GRIK1: variants seen among roughly 807,000 people sequenced by gnomAD.
GRIK1 encodes glutamate receptor ionotropic, kainate 1.
In GRIK1, 69 loss-of-function variants were observed where a neutral mutation model predicts 105.7. The observed-to-expected ratio is 0.65, with a 90% CI of 0.54 to 0.80. GRIK1 has a LOEUF of 0.80. Among genes scored for constraint, GRIK1 ranks in the 30% least tolerant of loss-of-function variants. The pLI, the probability that GRIK1 is intolerant of heterozygous loss-of-function variation, is 0.00. For missense variants in GRIK1, 1,109 were observed against 1,167.3 expected, an observed-to-expected ratio of 0.95 and a Z score of 0.73; for synonymous variants, 438 against 431.3, an observed-to-expected ratio of 1.02 and a Z score of -0.19.
intron 6 of GRIK1, among the ~76,000 whole-genome samples, chr21:29,650,000 A>G (rs1346020975): frequency 1.3e-5 from 2 of 152,204 alleles, no homozygotes; most frequent in Admixed American, 6.5e-5. Flanking sequence ...CAGAAATATA[A>G]TATTTCCCTG....
rs577643874 is a variant in GRIK1, at chr21:29,673,208, A to C, written c.545-44T>G. ...TCATGCAATGGAGACTGTTCTGTCG[A>C]CAGAGTATTGTTTATTGCCATTTAG... On this transcript the variant is annotated intron_variant, in intron 3 of 17. Transcript: ENST00000327783. 4.5e-6 allele frequency: 6 copies of C among 1,348,150 alleles called. No individual in the cohort carries two copies. The South Asian group carries it at 7.4e-5, about 17-fold the overall frequency. The allele number at this position is 1,348,150 out of a possible 1,614,324, so 83.5% of individuals were successfully genotyped here. A position where few individuals can be genotyped will look rare whatever the true frequency, so the allele number is the denominator to read the frequency against.
At chr21:29,860,060 T>C (rs1377601732) in intron 1 of GRIK1, among the ~76,000 whole-genome samples, 1 of 152,220 alleles carries the variant, frequency 6.6e-6, no homozygotes, top group Admixed American at 6.5e-5. Context: ...GGGACCTCAC[T>C]TGATGTTTCA....
intron 1 of GRIK1, among the ~76,000 whole-genome samples, chr21:29,716,969 G>A (rs1380804003): frequency 6.6e-6 from 1 of 152,236 alleles, no homozygotes; most frequent in Non-Finnish European, 1.5e-5. Flanking sequence ...ACAGCCTCAG[G>A]ACATAGTGCC....
chr21:29,849,981 G>A (rs2068254370), intron 1 of GRIK1, among the ~76,000 whole-genome samples: 1 of 152,132 alleles, frequency 6.6e-6, no homozygotes, highest in South Asian at 2.1e-4. Context: ...TCATATGTGT[G>A]TGGAGTGAGA....
At chr21:29,775,461 G>A (rs1207961230) in intron 1 of GRIK1, among the ~76,000 whole-genome samples, 1 of 152,122 alleles carries the variant, frequency 6.6e-6, no homozygotes, top group Non-Finnish European at 1.5e-5. Flanking sequence ...CAGTTGCTCA[G>A]CTGAGGAGGT....
At chr21:29,727,260 G>A (rs2064492804) in intron 1 of GRIK1, among the ~76,000 whole-genome samples, 1 of 152,108 alleles carries the variant, frequency 6.6e-6, no homozygotes, top group Non-Finnish European at 1.5e-5. Flanking sequence ...GCAAAGGATA[G>A]GAACATATTT....
intron 16 of GRIK1, among the ~76,000 whole-genome samples, chr21:29,540,296 T>A (rs1328999359): frequency 6.6e-6 from 1 of 152,220 alleles, no homozygotes; most frequent in Non-Finnish European, 1.5e-5. Context: ...TTCTTGCTGC[T>A]TGTGTGAGAG....
At chr21:29,828,261 T>A (rs1316579323) in intron 1 of GRIK1, among the ~76,000 whole-genome samples, 1 of 152,032 alleles carries the variant, frequency 6.6e-6, no homozygotes, top group Non-Finnish European at 1.5e-5. Flanking sequence ...CCAGGAGGCA[T>A]GGTTTACTAG....
intron 16 of GRIK1, among the ~76,000 whole-genome samples, chr21:29,541,117 G>A (rs2035789615): frequency 2.0e-5 from 3 of 152,024 alleles, no homozygotes; most frequent in South Asian, 2.1e-4. Context: ...ACAGGTGCGC[G>A]CCACCACACG....
intron 1 of GRIK1, among the ~76,000 whole-genome samples, chr21:29,887,568 A>G (rs1406795001): frequency 6.6e-6 from 1 of 152,072 alleles, no homozygotes; most frequent in Admixed American, 6.6e-5. Flanking sequence ...AACATACATA[A>G]CCACCAGGTG....
At chr21:29,671,971 C>T (rs1382513776) in intron 4 of GRIK1, among the ~76,000 whole-genome samples, 1 of 151,950 alleles carries the variant, frequency 6.6e-6, no homozygotes, top group Non-Finnish European at 1.5e-5. Context: ...AAAATGTCTT[C>T]AGACATTGCT....
chr21:29,806,818 G>A (rs1043820935), intron 1 of GRIK1, among the ~76,000 whole-genome samples: 5 of 152,210 alleles, frequency 3.3e-5, no homozygotes, highest in African/African-American at 9.6e-5. Flanking sequence ...GAACAATGAC[G>A]ACATTCATAA....
chr21:29,892,169 T>C (rs563974841), intron 1 of GRIK1, among the ~76,000 whole-genome samples: 26 of 152,322 alleles, frequency 1.7e-4, no homozygotes, highest in Admixed American at 1.2e-3. Flanking sequence ...AAGATGTGTG[T>C]CCTGTATTAG....
chr21:29,860,473 C>A (rs1324652960), intron 1 of GRIK1, among the ~76,000 whole-genome samples: 1 of 152,234 alleles, frequency 6.6e-6, no homozygotes, highest in African/African-American at 2.4e-5. Flanking sequence ...CATCTTAGAT[C>A]TGCAAGCCCT....
chr21:29,571,171 A>G (rs2090738376), intron 14 of GRIK1, among the ~76,000 whole-genome samples: 1 of 151,990 alleles, frequency 6.6e-6, no homozygotes, highest in Non-Finnish European at 1.5e-5. Flanking sequence ...AGATGGTGAA[A>G]CACCCTGTCT....
intron 1 of GRIK1, among the ~76,000 whole-genome samples, chr21:29,882,335 A>T (rs1373561733): frequency 6.6e-6 from 1 of 152,072 alleles, no homozygotes; most frequent in East Asian, 1.9e-4. Context: ...ATGTATTTTT[A>T]AACGTTTTAA....
At chr21:29,880,114 T>C (rs942511157) in intron 1 of GRIK1, among the ~76,000 whole-genome samples, 3 of 152,094 alleles carry the variant, frequency 2.0e-5, no homozygotes, top group Non-Finnish European at 4.4e-5. Context: ...ATTTCAAACA[T>C]AGCACTAATT....
intron 1 of GRIK1, among the ~76,000 whole-genome samples, chr21:29,729,579 G>A (rs1411777597): frequency 6.6e-6 from 1 of 152,128 alleles, no homozygotes; most frequent in Non-Finnish European, 1.5e-5. Context: ...AGGGTAGACA[G>A]GGAAATAAAT....
intron 7 of GRIK1, among the ~76,000 whole-genome samples, chr21:29,610,145 G>A (rs1375927964): frequency 2.6e-5 from 4 of 152,166 alleles, no homozygotes; most frequent in African/African-American, 9.6e-5. Context: ...AAATCTATCA[G>A]ATGTTGGGCA....
Sources: allele counts gnomAD v4.1 joint callset (sites outside exome capture counted in the v4.1 genomes callset), GRCh38; gene constraint gnomAD v4.1.1; transcripts MANE v1.5; gene names NCBI Gene and HGNC (gene_info 2026-07-23, HGNC 2026-07-21).